Variants in ANPEP observed in about 807,000 individuals in gnomAD.
The protein encoded by ANPEP is alanyl aminopeptidase, membrane, also known as aminopeptidase N.
Under a neutral mutation model 114.6 loss-of-function variants are expected in ANPEP, and 70 were observed. That is an observed-to-expected ratio of 0.61 (90% confidence interval 0.50 to 0.75). ANPEP has a LOEUF of 0.75. Among genes scored for constraint, ANPEP ranks in the 30% least tolerant of loss-of-function variants. ANPEP has a pLI of 0.00. For missense variants in ANPEP, 1,184 were observed against 1,259.5 expected, an observed-to-expected ratio of 0.94 and a Z score of 0.91; for synonymous variants, 548 against 522.3, an observed-to-expected ratio of 1.05 and a Z score of -0.67.
In ANPEP at chr15:89,803,760, G is replaced by T; in HGVS notation, c.1324C>A (p.Arg442Ser). 1 of 1,609,238 alleles carries T rather than the reference G, an allele frequency of 6.2e-7. No homozygotes were observed. The highest frequency in any genetic ancestry group is 8.5e-7 in the Non-Finnish European group (1 of 1,176,546). Residue 442 changes from arginine to serine, a missense_variant, in exon 8 of 21, where the codon CGC becomes AGC. Transcript: ENST00000300060. This position sits in a 1 kb window ranked among gnomAD's most constrained non-coding sequence, Gnocchi z 4.2. ...KDLMVLNDVY[R>S]VMAVDALASS... is the part of the protein sequence containing the mutation. ...GCCAGTGCATCCACTGCCATCACGCGGTACACATCATTCAGCACCATGAGG... is the reference window on the plus strand; with the variant it reads ...GCCAGTGCATCCACTGCCATCACGCTGTACACATCATTCAGCACCATGAGG...
At chr15:89,796,851 CT>C (rs2141798134) in intron 15 of ANPEP, among the ~76,000 whole-genome samples, 1 of 152,302 alleles carries the variant, frequency 6.6e-6, no homozygotes, top group Admixed American at 6.5e-5. Flanking sequence ...GATTTAATGA[CT>C]ACATATCACA....
chr15:89,795,458 A>T (rs1968710664), intron 15 of ANPEP, among the ~76,000 whole-genome samples: 1 of 152,160 alleles, frequency 6.6e-6, no homozygotes, highest in Non-Finnish European at 1.5e-5. Flanking sequence ...GCCAGTCCTG[A>T]TTGGAAAAGG....
At chr15:89,812,265 G>C (rs1894829295) in intron 1 of ANPEP, among the ~76,000 whole-genome samples, 1 of 152,230 alleles carries the variant, frequency 6.6e-6, no homozygotes, top group African/African-American at 2.4e-5. Context: ...GTCCCTGACT[G>C]TGAACTATGA....
At chr15:89,801,243 G>A (rs1028370028) in intron 11 of ANPEP, 56 bp from the exon 12 acceptor site, 5 of 1,591,036 alleles carry the variant, frequency 3.1e-6, no homozygotes, top group South Asian at 2.2e-5. Flanking sequence ...CTGCCAGTGA[G>A]GAGCAGCTGC....
chr15:89,785,267 G>A lies in ANPEP; in HGVS notation c.*82C>T. On this transcript the variant is annotated 3_prime_UTR_variant, in exon 21 of 21. Coordinates refer to ENST00000300060, the MANE Select transcript of ANPEP (RefSeq NM_001150.3). ...AGGACACTGGTGCCTCGGGCTCCAG[G>A]AATGGAGGCCCTGCACCAGCCGCTG... 6.4e-7 allele frequency: 1 copy of A among 1,554,274 alleles called. No homozygotes were observed. Among genetic ancestry groups the A allele is most frequent in the South Asian group, 1.1e-5 (1 of 87,140 alleles).
At chr15:89,809,676 C>A (rs1894784501) in intron 1 of ANPEP, among the ~76,000 whole-genome samples, 1 of 152,226 alleles carries the variant, frequency 6.6e-6, no homozygotes, top group Admixed American at 6.5e-5. Flanking sequence ...GCTATGCTAC[C>A]CTCCCCTGTC....
At position 89,790,885 on chromosome 15, in the gene ANPEP, G is replaced by A. The variant is rs990389525; in HGVS notation, c.2669+68C>T. 1.5e-5 allele frequency: 23 copies of A among 1,577,242 alleles called. 1 individual carries two copies. The Admixed American group carries it at 1.8e-4, about 12-fold the overall frequency. ...TTAGTGCCCCCGGCGTGTCTTACCC[G>A]CACAGGCCACCCCCCGGGGCCCCAG... On this transcript the variant is annotated intron_variant, in intron 19 of 20. Coordinates refer to ENST00000300060, the MANE Select transcript of ANPEP (RefSeq NM_001150.3).
chr15:89,787,101 A>G (rs1968521721), intron 20 of ANPEP, among the ~76,000 whole-genome samples: 1 of 132,126 alleles, frequency 7.6e-6, no homozygotes. Context: ...GCTAGAGTGC[A>G]GTGGTGCGAT....
Position 89,785,238 on chromosome 15 carries a change from G to C in ANPEP, c.*111C>G, listed in dbSNP as rs908154651. 2 of 1,388,138 alleles carry C rather than the reference G, an allele frequency of 1.4e-6. No homozygotes were observed. The highest frequency in any genetic ancestry group is 2.0e-6 in the Non-Finnish European group (2 of 1,000,352). 86.0% of individuals were successfully genotyped at this position (1,388,138 alleles called of 1,614,324 possible). A position where few individuals can be genotyped will look rare whatever the true frequency, so the allele number is the denominator to read the frequency against. ...CGTGGGCTGGAGACTTTGTCCTTGA[G>C]GGGAGGACACTGGTGCCTCGGGCTC... On this transcript the variant is annotated 3_prime_UTR_variant, in exon 21 of 21. Transcript: ENST00000300060.
chr15:89,809,876 T>C (rs1323386719), intron 1 of ANPEP, among the ~76,000 whole-genome samples: 1 of 152,200 alleles, frequency 6.6e-6, no homozygotes, highest in Non-Finnish European at 1.5e-5. Flanking sequence ...GCTGCCAGCG[T>C]CTCCCCAGAT....
At chr15:89,789,109 A>G (rs1047276314) in intron 20 of ANPEP, among the ~76,000 whole-genome samples, 3 of 151,756 alleles carry the variant, frequency 2.0e-5, no homozygotes, top group African/African-American at 7.3e-5. Context: ...CCTCCCGAGT[A>G]GCTGGGACTA....
chr15:89,805,610 G>C, intron 2 of ANPEP, 147 bp from the exon 3 acceptor site: 1 of 1,191,282 alleles, frequency 8.4e-7, no homozygotes, highest in Non-Finnish European at 1.2e-6. Context: ...GCCTCGCCGG[G>C]AGCCTCCGGA....
chr15:89,801,989 C>T (rs986782073), intron 10 of ANPEP, among the ~76,000 whole-genome samples: 6 of 149,398 alleles, frequency 4.0e-5, no homozygotes, highest in African/African-American at 7.4e-5. Context: ...GGGTGGGGGA[C>T]GGGGCCCTGG....
chr15:89,792,065 G>T (rs972104785), intron 18 of ANPEP, 95 bp downstream of exon 18: 1 of 1,422,188 alleles, frequency 7.0e-7, no homozygotes, highest in Non-Finnish European at 9.6e-7. Context: ...GGTCTGTGGG[G>T]GTCACGTGAA....
chr15:89,790,931 G>A, intron 19 of ANPEP, 22 bp downstream of exon 19: 1 of 1,612,546 alleles, frequency 6.2e-7, no homozygotes, highest in Non-Finnish European at 8.5e-7. Flanking sequence ...CGCTGTCCCT[G>A]ACACCCATTC....
In ANPEP at chr15:89,791,051, C is replaced by T. The variant is rs773650895; in HGVS notation, c.2571G>A (p.Gln857=). 1.2e-6 allele frequency: 2 copies of T among 1,614,250 alleles called. No individual in the cohort carries two copies. Among genetic ancestry groups the T allele is most frequent in the Middle Eastern group, 1.6e-4 (1 of 6,062 alleles). Residue 857 remains glutamine (Q), a synonymous_variant, in exon 19 of 21, where the codon CAG becomes CAA. Coordinates refer to ENST00000300060, the MANE Select transcript of ANPEP (RefSeq NM_001150.3). Reference sequence around the variant, plus strand: ...TGCTGATGATGGTAGAGGTGGCGTCCTGCTTCCGGATTAAGTCCGGGTTCA... The same window carrying T: ...TGCTGATGATGGTAGAGGTGGCGTCTTGCTTCCGGATTAAGTCCGGGTTCA... ...YTLNPDLIRK[Q]DATSTIISIT...
intron 14 of ANPEP, among the ~76,000 whole-genome samples, chr15:89,797,936 C>T (rs1311325921): frequency 6.6e-6 from 1 of 152,198 alleles, no homozygotes; most frequent in Admixed American, 6.5e-5. Flanking sequence ...CAAACAAGGC[C>T]CCACCCTCAC....
chr15:89,795,340 A>G (rs901236145), intron 15 of ANPEP, among the ~76,000 whole-genome samples: 4 of 152,200 alleles, frequency 2.6e-5, no homozygotes, highest in African/African-American at 4.8e-5. Context: ...TGAAAGCAAG[A>G]GAAATAAGCT....
rs752866700 is a variant in ANPEP at position 89,803,696 on chromosome 15, T to A, written c.1388A>T (p.Asn463Ile). ...CAGCTCACTGATCTGGGCCGGCGTGTTGATCTCCGAGGCGGGTGTGGACAG... is the reference window on the plus strand; with the variant it reads ...CAGCTCACTGATCTGGGCCGGCGTGATGATCTCCGAGGCGGGTGTGGACAG... ...HPLSTPASEI[N>I]TPAQISELFD... The change falls in exon 8 of 21, where the codon AAC becomes ATC. Residue 463 changes from asparagine (N) to isoleucine (I), a missense_variant. Transcript: ENST00000300060. The surrounding 1 kb of genome is among the most constrained non-coding windows in gnomAD (Gnocchi z 4.2). 1.1e-5 allele frequency: 18 copies of A among 1,613,336 alleles called. No individual in the cohort carries two copies. The highest frequency in any genetic ancestry group is 4.5e-5 in the East Asian group (2 of 44,856).
Sources: allele counts gnomAD v4.1 joint callset (sites outside exome capture counted in the v4.1 genomes callset), GRCh38; gene constraint gnomAD v4.1.1; non-coding constraint Gnocchi (gnomAD v3.1); transcripts MANE v1.5; gene names NCBI Gene and HGNC (gene_info 2026-07-23, HGNC 2026-07-21).